CYTH1: variants seen among roughly 807,000 people sequenced by gnomAD.
CYTH1 encodes the protein cytohesin 1, also known as cytohesin-1.
In CYTH1, 18 loss-of-function variants were observed where a neutral mutation model predicts 61.8. The observed-to-expected ratio is 0.29, with a 90% CI of 0.20 to 0.43. The LOEUF (loss-of-function observed/expected upper bound fraction) is 0.43. Ranked by LOEUF, CYTH1 falls within the 20% of genes least tolerant of loss-of-function variation. CYTH1 has a pLI of 1.00. For synonymous variants in CYTH1, 174 were observed against 184.3 expected (o/e 0.94, Z 0.45); for missense variants, 336 against 510.5 (o/e 0.66, Z 3.29).
chr17:78,723,366 T>C (rs2090491062), intron 1 of CYTH1: 2 of 152,420 alleles, frequency 1.3e-5, no homozygotes, highest in African/African-American at 4.8e-5. Context: ...CTCCCACAGC[T>C]GTAGGTGCAG....
At chr17:78,684,445 G>A (rs1249680327) in intron 11 of CYTH1, among the ~76,000 whole-genome samples, 2 of 152,248 alleles carry the variant, frequency 1.3e-5, no homozygotes, top group Non-Finnish European at 2.9e-5. Context: ...ACCCCTCAGT[G>A]ATGACTTGTG....
At chr17:78,722,248 T>C (rs187824798) in intron 1 of CYTH1, among the ~76,000 whole-genome samples, 11 of 152,326 alleles carry the variant, frequency 7.2e-5, no homozygotes, top group Non-Finnish European at 1.5e-4. Flanking sequence ...CCTTAACTTT[T>C]TCTAAAAGCT....
At chr17:78,767,966 C>T (rs539438357) in intron 1 of CYTH1, among the ~76,000 whole-genome samples, 2 of 152,238 alleles carry the variant, frequency 1.3e-5, no homozygotes, top group Non-Finnish European at 2.9e-5. Flanking sequence ...TTCAAAAACA[C>T]ATATAGTCTG....
In CYTH1 at chr17:78,782,174, G is replaced by A. The variant is rs1427141165; in HGVS notation, c.22+28C>T. 4.4e-6 allele frequency: 6 copies of A among 1,359,430 alleles called. No homozygotes were observed. In the Admixed American group the frequency reaches 8.2e-5, roughly 19 times the overall value. 84.2% of individuals were successfully genotyped at this position (1,359,430 alleles called of 1,614,324 possible). A position where few individuals can be genotyped will look rare whatever the true frequency, so the allele number is the denominator to read the frequency against. ...GAGGGGACTGGGGGACAGCGAGGGG[G>A]AAGCGTCCGCCGCCGGGGCGCACTG... On this transcript the variant is annotated intron_variant, in intron 1 of 13. Coordinates refer to ENST00000446868, the MANE Select transcript of CYTH1 (RefSeq NM_004762.6).
intron 1 of CYTH1, among the ~76,000 whole-genome samples, chr17:78,722,315 C>T (rs1317093690): frequency 6.6e-6 from 1 of 152,214 alleles, no homozygotes; most frequent in African/African-American, 2.4e-5. Context: ...CAGCTTCTTT[C>T]TAGCACTCCA....
rs981802414 is a variant in CYTH1, at chr17:78,717,523, C to T, written c.23-7791G>A. Among the ~76,000 whole-genome samples, 4 of 152,166 alleles carry T rather than the reference C, an allele frequency of 2.6e-5. No individual in the cohort carries two copies. In the East Asian group the frequency reaches 7.7e-4, roughly 29 times the overall value. On this transcript the variant is annotated intron_variant, in intron 1 of 13. Coordinates refer to ENST00000446868, the MANE Select transcript of CYTH1 (RefSeq NM_004762.6). The surrounding 1 kb of genome is among the most constrained non-coding windows in gnomAD (Gnocchi z 4.4). ...TTAAATGTTGCTTTGCAGATTTTAACAGTCGGCAGAAACCCAGAGCTGAAA... is the reference window on the plus strand; with the variant it reads ...TTAAATGTTGCTTTGCAGATTTTAATAGTCGGCAGAAACCCAGAGCTGAAA...
chr17:78,698,254 C>G lies in CYTH1; in HGVS notation c.811+15G>C. On this transcript the variant is annotated intron_variant, in intron 9 of 13. Transcript: ENST00000446868. The stretch of plus-strand genomic sequence containing the variant: ...AGTCTCAGCTTTAGGAGCCCTGACT[C>G]AGAGGTGCGCTTACCGAGTTTCAAT... The G allele has an allele frequency of 1.2e-6, 2 of 1,604,628 alleles. No homozygotes were observed. The highest frequency in any genetic ancestry group is 1.7e-6 in the Non-Finnish European group (2 of 1,171,758).
chr17:78,738,676 G>A (rs530330711), intron 1 of CYTH1, among the ~76,000 whole-genome samples: 19 of 151,446 alleles, frequency 1.3e-4, no homozygotes, highest in African/African-American at 4.1e-4. Context: ...TAAACCCAAC[G>A]TGTCACCTTT....
In CYTH1 at chr17:78,754,155, T is replaced by TA. The variant is rs779915995; in HGVS notation, c.22+28046dup. Among the ~76,000 whole-genome samples, 59 of 152,276 alleles carry TA rather than the reference T, an allele frequency of 3.9e-4. No individual in the cohort carries two copies. In the Middle Eastern group the frequency reaches 0.02, roughly 53 times the overall value. On this transcript the variant is annotated intron_variant, in intron 1 of 13. Coordinates refer to ENST00000446868, the MANE Select transcript of CYTH1 (RefSeq NM_004762.6). ...GCTACTGAGAAGCAGCGCATCTAGA[T>TA]AAACTCGGAAAGGAAAGGCATGCGT...
At chr17:78,777,321 A>G (rs1454190818) in intron 1 of CYTH1, among the ~76,000 whole-genome samples, 1 of 151,700 alleles carries the variant, frequency 6.6e-6, no homozygotes, top group Admixed American at 6.6e-5. Flanking sequence ...CAGGAGGCTG[A>G]GGCAGGAGAT....
Position 78,682,503 on chromosome 17 carries a change from T to C in CYTH1, c.892-1461A>G, listed in dbSNP as rs117230392. Among the ~76,000 whole-genome samples, 1,456 of 152,290 alleles carry C rather than the reference T, an allele frequency of 9.6e-3. 9 individuals are homozygous for C. The highest frequency in any genetic ancestry group is 0.015 in the Non-Finnish European group (1,050 of 68,034). ...TCCAGAGCACTCTTCCCTCCTCTCTTGAAACAAGAGGTTTCAAGATCTCTG... is the reference window on the plus strand; with the variant it reads ...TCCAGAGCACTCTTCCCTCCTCTCTCGAAACAAGAGGTTTCAAGATCTCTG... On this transcript the variant is annotated intron_variant, in intron 11 of 13. Transcript: ENST00000446868.
chr17:78,753,585 TG>T (rs1214864200), intron 1 of CYTH1, among the ~76,000 whole-genome samples: 2 of 152,202 alleles, frequency 1.3e-5, no homozygotes. Flanking sequence ...ACATGGGGTT[TG>T]TGCACTGCCC....
chr17:78,711,636 G>A (rs1313026522), intron 1 of CYTH1, among the ~76,000 whole-genome samples: 1 of 151,266 alleles, frequency 6.6e-6, no homozygotes, highest in Non-Finnish European at 1.5e-5. Flanking sequence ...AATCACAAGA[G>A]GGTAGAAACA....
intron 1 of CYTH1, among the ~76,000 whole-genome samples, chr17:78,718,988 A>G (rs2093206123): frequency 6.6e-6 from 1 of 152,238 alleles, no homozygotes; most frequent in African/African-American, 2.4e-5. Flanking sequence ...GAAGAGACAG[A>G]TCTGGTTCCT....
intron 1 of CYTH1, among the ~76,000 whole-genome samples, chr17:78,722,072 A>C (rs2093233969): frequency 6.6e-6 from 1 of 152,174 alleles, no homozygotes; most frequent in African/African-American, 2.4e-5. Flanking sequence ...TAAGGTATCA[A>C]AAAATTTAAT....
chr17:78,702,220 C>T lies in CYTH1; in HGVS notation c.258G>A (p.Glu86=). Residue 86 remains glutamate (E), a synonymous_variant, in exon 5 of 14, where the codon GAG becomes GAA. Transcript: ENST00000446868. ...DPKKGIQFLI[E]NDLLKNTCED... ...CACAAGTGTTCTTCAGGAGGTCGTT[C>T]TCTATTAAGAACTGGATCCCCTAGA... is the stretch of plus-strand genomic sequence containing the variant. 1 of 1,614,042 alleles carries T rather than the reference C, an allele frequency of 6.2e-7. No homozygotes were observed. The highest frequency in any genetic ancestry group is 1.1e-5 in the South Asian group (1 of 91,078).
intron 1 of CYTH1, among the ~76,000 whole-genome samples, chr17:78,711,290 A>G (rs1388717155): frequency 8.2e-6 from 1 of 122,426 alleles, no homozygotes; most frequent in Non-Finnish European, 1.7e-5. Flanking sequence ...ATAAATAAAT[A>G]AATAAATAAA....
intron 1 of CYTH1, among the ~76,000 whole-genome samples, chr17:78,779,002 G>A (rs530533347): frequency 6.6e-6 from 1 of 152,272 alleles, no homozygotes; most frequent in African/African-American, 2.4e-5. Context: ...TTCTTCATAT[G>A]ATCATCTTAC....
chr17:78,684,364 C>T (rs745482604), intron 11 of CYTH1, among the ~76,000 whole-genome samples: 5 of 152,328 alleles, frequency 3.3e-5, no homozygotes, highest in Admixed American at 6.5e-5. Context: ...AATGTAAAAT[C>T]CCAAATATTA....
Sources: gnomAD v4.1 joint callset for allele counts (sites outside exome capture counted in the v4.1 genomes callset) on GRCh38, gnomAD v4.1.1 for gene constraint, Gnocchi (gnomAD v3.1) non-coding constraint, MANE v1.5 for transcripts, NCBI Gene and HGNC (gene_info 2026-07-23, HGNC 2026-07-21) for gene names.